Variants in RBFOX1 observed in about 807,000 individuals in gnomAD.
RBFOX1 encodes the protein RNA binding protein fox-1 homolog 1.
In RBFOX1, 8 loss-of-function variants were observed where a neutral mutation model predicts 57.7. That is an observed-to-expected ratio of 0.14 (90% CI 0.08 to 0.25). The LOEUF is 0.25. Among genes scored for constraint, RBFOX1 ranks in the 10% least tolerant of loss-of-function variants. The pLI, the probability that RBFOX1 is intolerant of heterozygous loss-of-function variation, is 1.00. For synonymous variants in RBFOX1, 326 were observed against 222.4 expected (o/e 1.47, Z -4.15); for missense variants, 611 against 548.5 (o/e 1.11, Z -1.14).
At chr16:7,442,298 G>T (rs1032305445) in intron 4 of RBFOX1, among the ~76,000 whole-genome samples, 1 of 152,112 alleles carries the variant, frequency 6.6e-6, no homozygotes, top group Non-Finnish European at 1.5e-5. Flanking sequence ...TCCCTCCTCT[G>T]CCTTCTCCAG....
chr16:7,034,819 T>G (rs1010345732), intron 3 of RBFOX1, among the ~76,000 whole-genome samples: 2 of 142,186 alleles, frequency 1.4e-5, no homozygotes, highest in African/African-American at 5.2e-5. Context: ...GTCTAAGATA[T>G]TGCATTACTT....
intron 3 of RBFOX1, among the ~76,000 whole-genome samples, chr16:6,995,688 A>G (rs1036254363): frequency 6.6e-6 from 1 of 152,026 alleles, no homozygotes; most frequent in African/African-American, 2.4e-5. Context: ...TGAACCTGGG[A>G]GCACAGAGGT....
At chr16:7,333,526 G>T (rs1029982346) in intron 4 of RBFOX1, among the ~76,000 whole-genome samples, 1 of 152,170 alleles carries the variant, frequency 6.6e-6, no homozygotes, top group African/African-American at 2.4e-5. Context: ...CCTCCACACG[G>T]ATTGTCTATT....
chr16:6,285,258 C>T (rs1404233257), intron 1 of RBFOX1, among the ~76,000 whole-genome samples: 2 of 152,064 alleles, frequency 1.3e-5, no homozygotes, highest in African/African-American at 2.4e-5. Context: ...GTAGATTCTG[C>T]ATAAGCCTCC....
intron 3 of RBFOX1, among the ~76,000 whole-genome samples, chr16:6,857,700 G>C (rs995374584): frequency 1.3e-5 from 2 of 152,180 alleles, no homozygotes; most frequent in Non-Finnish European, 2.9e-5. Flanking sequence ...GAGTGTATCA[G>C]TTGTTCATGA....
intron 3 of RBFOX1, among the ~76,000 whole-genome samples, chr16:6,655,466 C>G (rs938006596): frequency 2.7e-5 from 4 of 147,794 alleles, no homozygotes; most frequent in Non-Finnish European, 5.9e-5. Flanking sequence ...AGCGTCCTAT[C>G]TGAGATTAAG....
At position 5,391,555 on chromosome 16, in the gene RBFOX1, C is replaced by G. The variant is rs560064652; in HGVS notation, c.220-75661C>G. Among the ~76,000 whole-genome samples, 6 of 152,200 alleles carry G rather than the reference C, an allele frequency of 3.9e-5. No individual in the cohort carries two copies. The East Asian group carries it at 5.8e-4, about 15-fold the overall frequency. Reference sequence around the variant, plus strand: ...CCTTTATTCCATCTGTGGCTTAATTCTTCTGTGTGCCAGTTCTGGAAGCCA... The same window carrying G: ...CCTTTATTCCATCTGTGGCTTAATTGTTCTGTGTGCCAGTTCTGGAAGCCA... On this transcript the variant is annotated intron_variant, in intron 1 of 2. Transcript: ENST00000585867.
At chr16:6,844,017 C>G (rs909235966) in intron 3 of RBFOX1, among the ~76,000 whole-genome samples, 10 of 152,014 alleles carry the variant, frequency 6.6e-5, no homozygotes, top group Non-Finnish European at 1.3e-4. Context: ...TCTGTCTGAA[C>G]CTTTTCCCAA....
chr16:6,802,708 G>A (rs753031684), intron 3 of RBFOX1, among the ~76,000 whole-genome samples: 14 of 152,072 alleles, frequency 9.2e-5, no homozygotes, highest in Non-Finnish European at 1.5e-4. Flanking sequence ...GTTATTTGAT[G>A]GTTTTTATAT....
At chr16:6,519,162 G>C (rs1261628615) in intron 2 of RBFOX1, among the ~76,000 whole-genome samples, 4 of 151,942 alleles carry the variant, frequency 2.6e-5, no homozygotes, top group Non-Finnish European at 5.9e-5. Context: ...TCAAGATATG[G>C]GGGGAACCGT....
At chr16:5,968,742 A>T (rs1051566962) in intron 4 of RBFOX1, among the ~76,000 whole-genome samples, 27 of 152,072 alleles carry the variant, frequency 1.8e-4, no homozygotes, top group African/African-American at 5.3e-4. Flanking sequence ...ATTAATTTTT[A>T]AAAATTTTTA....
chr16:6,568,902 A>G (rs952758371), intron 2 of RBFOX1, among the ~76,000 whole-genome samples: 2 of 152,056 alleles, frequency 1.3e-5, no homozygotes, highest in Non-Finnish European at 2.9e-5. Context: ...GCCCCCAAGT[A>G]GCTGGGAGTA....
At chr16:6,604,947 C>T (rs983798885) in intron 2 of RBFOX1, among the ~76,000 whole-genome samples, 10 of 151,460 alleles carry the variant, frequency 6.6e-5, no homozygotes, top group Admixed American at 1.3e-4. Context: ...CCAGCCTGGG[C>T]GACATGGCAA....
At position 5,905,042 on chromosome 16, in the gene RBFOX1, A is replaced by G. The variant is rs957008000; in HGVS notation, c.351+37707A>G. The stretch of plus-strand genomic sequence containing the variant: ...AGTTCACTGGGTGAGCCTTAATCCC[A>G]TATGACTCCATATGACTGGTGCTTT... On this transcript the variant is annotated intron_variant, in intron 4 of 19. Coordinates refer to the RBFOX1 transcript ENST00000641259. Among the ~76,000 whole-genome samples the G allele has an allele frequency of 5.5e-5, 8 of 144,280 alleles. No individual in the cohort carries two copies. In the East Asian group the frequency reaches 1.0e-3, roughly 19 times the overall value. 94.7% of individuals were successfully genotyped at this position (144,280 alleles called of 152,430 possible). A position where few individuals can be genotyped will look rare whatever the true frequency, so the allele number is the denominator to read the frequency against.
intron 3 of RBFOX1, among the ~76,000 whole-genome samples, chr16:5,787,468 C>T (rs182447587): frequency 6.6e-6 from 1 of 152,324 alleles, no homozygotes; most frequent in Non-Finnish European, 1.5e-5. Flanking sequence ...TTGCAGTGGG[C>T]TTACCTCATG....
intron 4 of RBFOX1, among the ~76,000 whole-genome samples, chr16:7,400,528 C>G (rs1394948115): frequency 1.3e-5 from 2 of 152,150 alleles, no homozygotes; most frequent in African/African-American, 4.8e-5. Context: ...TGGTCCCTTA[C>G]AAATATATTC....
rs923156963 is a variant in RBFOX1 at position 7,709,949 on chromosome 16, C to T, written c.1072-674C>T. The T allele has an allele frequency of 6.9e-6, 7 of 1,015,892 alleles. No homozygotes were observed. The African/African-American group carries it at 8.7e-5, about 13-fold the overall frequency. The allele number at this position is 1,015,892 out of a possible 1,614,324, so 62.9% of individuals were successfully genotyped here. A position where few individuals can be genotyped will look rare whatever the true frequency, so the allele number is the denominator to read the frequency against. On this transcript the variant is annotated intron_variant, in intron 15 of 15. Transcript: ENST00000550418. ...TCAGTCCTTACCCTAAAAATGAATC[C>T]CCATAGGCATTCATTTGAATTGCCA...
chr16:7,216,481 C>G (rs1207100714), intron 4 of RBFOX1, among the ~76,000 whole-genome samples: 2 of 152,036 alleles, frequency 1.3e-5, no homozygotes, highest in Non-Finnish European at 2.9e-5. Context: ...AGAGTGAGAC[C>G]TTGTCGCTAA....
chr16:7,363,947 G>A (rs1435955647), intron 4 of RBFOX1, among the ~76,000 whole-genome samples: 3 of 152,106 alleles, frequency 2.0e-5, no homozygotes, highest in Non-Finnish European at 4.4e-5. Context: ...CCTTCCTGGT[G>A]TCTTATGGTG....
Sources: gnomAD v4.1 joint callset for allele counts (sites outside exome capture counted in the v4.1 genomes callset) on GRCh38, gnomAD v4.1.1 for gene constraint, MANE v1.5 for transcripts, NCBI Gene and HGNC (gene_info 2026-07-23, HGNC 2026-07-21) for gene names.